The following NDUFAF1 variants were observed in gnomAD, a reference collection of about 807,000 sequenced individuals.
NDUFAF1 encodes the protein complex I intermediate-associated protein 30, mitochondrial.
Under a neutral mutation model 28.7 loss-of-function variants are expected in NDUFAF1, and 18 were observed. The observed-to-expected ratio is 0.63, with a 90% CI of 0.43 to 0.93. The LOEUF is 0.93. Ranked by LOEUF, NDUFAF1 falls within the 40% of genes least tolerant of loss-of-function variation. NDUFAF1 has a pLI of 0.00. For missense variants in NDUFAF1, 404 were observed against 398.3 expected (o/e 1.01, Z -0.12); for synonymous variants, 113 against 139.7 (o/e 0.81, Z 1.35).
At chr15:41,390,642 G>C (rs1391376872) in intron 3 of NDUFAF1, among the ~76,000 whole-genome samples, 1 of 151,446 alleles carries the variant, frequency 6.6e-6, no homozygotes. Flanking sequence ...GGAGAATGGC[G>C]TGAACCCGGG....
rs150717597 is a variant in NDUFAF1 at position 41,393,649 on chromosome 15, C to T, written c.759+1210G>A. On this transcript the variant is annotated intron_variant, in intron 3 of 4. Transcript: ENST00000260361. ...CAGGCTGGAGAGCAGTGGCCCATCT[C>T]GGCTCACTGCCACCTCTGCCTCCCA... is the stretch of plus-strand genomic sequence containing the variant. Among the ~76,000 whole-genome samples the T allele has an allele frequency of 1.4e-4, 20 of 146,944 alleles. 2 individuals are homozygous for T. Among genetic ancestry groups the T allele is most frequent in the African/African-American group, 5.1e-4 (20 of 39,026 alleles).
chr15:41,400,876 T>C (rs2050453406), intron 1 of NDUFAF1, among the ~76,000 whole-genome samples: 1 of 151,636 alleles, frequency 6.6e-6, no homozygotes, highest in African/African-American at 2.4e-5. Context: ...ATATATTATC[T>C]CATGCCATCC....
Position 41,391,607 on chromosome 15 carries a change from T to TAA in NDUFAF1, c.760-3087_760-3086dup, listed in dbSNP as rs534238039. Among the ~76,000 whole-genome samples the TAA allele has an allele frequency of 8.4e-3, 1,074 of 127,822 alleles. 11 individuals are homozygous for TAA. Among genetic ancestry groups the TAA allele is most frequent in the Non-Finnish European group, 0.011 (680 of 60,642 alleles). 83.9% of individuals were successfully genotyped at this position (127,822 alleles called of 152,430 possible). On this transcript the variant is annotated intron_variant, in intron 3 of 4. Transcript: ENST00000260361. The stretch of plus-strand genomic sequence containing the variant: ...GGGCAGTAAGAGTGAGACTCCATCT[T>TAA]AAAAAAAAAAAAAAAAAGAATTTAT...
intron 2 of NDUFAF1, among the ~76,000 whole-genome samples, chr15:41,396,083 G>A (rs1322743496): frequency 6.8e-6 from 1 of 147,634 alleles, no homozygotes; most frequent in Admixed American, 6.8e-5. Context: ...GCAAGACTCC[G>A]TTTCAAAAAA....
At chr15:41,391,498 G>A (rs998768401) in intron 3 of NDUFAF1, among the ~76,000 whole-genome samples, 2 of 151,252 alleles carry the variant, frequency 1.3e-5, no homozygotes, top group South Asian at 2.1e-4. Context: ...TGTGGTACAC[G>A]CCTGTAGTCC....
At chr15:41,389,654 T>A (rs2050294134) in intron 3 of NDUFAF1, among the ~76,000 whole-genome samples, 1 of 152,014 alleles carries the variant, frequency 6.6e-6, no homozygotes, top group South Asian at 2.1e-4. Context: ...ATCCTTGTAG[T>A]CCTGGCTATT....
intron 1 of NDUFAF1, among the ~76,000 whole-genome samples, chr15:41,398,101 C>A (rs1294288916): frequency 6.6e-6 from 1 of 150,708 alleles, no homozygotes; most frequent in Non-Finnish European, 1.5e-5. Context: ...GTTTTGAACT[C>A]CTAGGATCCA....
At chr15:41,398,729 CG>C (rs1405588070) in intron 1 of NDUFAF1, among the ~76,000 whole-genome samples, 1 of 151,800 alleles carries the variant, frequency 6.6e-6, no homozygotes, top group Non-Finnish European at 1.5e-5. Context: ...CCAAGGTGGA[CG>C]GATCACTTGA....
In NDUFAF1 at chr15:41,394,903, A is replaced by C. The variant is rs777280384; in HGVS notation, c.715T>G (p.Tyr239Asp). 1.2e-6 allele frequency: 2 copies of C among 1,614,142 alleles called. No individual in the cohort carries two copies. Among genetic ancestry groups the C allele is most frequent in the Admixed American group, 1.7e-5 (1 of 59,998 alleles). Residue 239 changes from tyrosine (Y) to aspartate (D), a missense_variant, in exon 3 of 5, where the codon TAC becomes GAC. Tyr to Asp is a radical substitution (Grantham distance 160). Coordinates refer to ENST00000260361, the MANE Select transcript of NDUFAF1 (RefSeq NM_016013.4). ...GGTCCCCCGCGGGTGAACATGAAGT[A>C]ACTATACATCTGATTCGTCCTCTGG... Reference protein sequence around the residue: ...FFQRTNQMYSYFMFTRGGPYW... With the variant: ...FFQRTNQMYSDFMFTRGGPYW...
intron 4 of NDUFAF1, 137 bp from the exon 5 acceptor site, chr15:41,387,730 C>G: frequency 2.9e-6 from 2 of 683,926 alleles, no homozygotes; most frequent in Non-Finnish European, 5.1e-6. Context: ...ACTACTAATT[C>G]TCCCATAGCA....
chr15:41,388,834 C>G (rs892102954), intron 3 of NDUFAF1, among the ~76,000 whole-genome samples: 7 of 150,052 alleles, frequency 4.7e-5, no homozygotes, highest in African/African-American at 1.7e-4. Context: ...TTGCAGTAAG[C>G]CAAGATCACA....
chr15:41,389,216 G>A lies in NDUFAF1; in HGVS notation c.760-694C>T, dbSNP rs1379141588. Among the ~76,000 whole-genome samples the A allele has an allele frequency of 5.3e-5, 8 of 150,652 alleles. No individual in the cohort carries two copies. In the South Asian group the frequency reaches 1.7e-3, roughly 32 times the overall value. On this transcript the variant is annotated intron_variant, in intron 3 of 4. Coordinates refer to ENST00000260361, the MANE Select transcript of NDUFAF1 (RefSeq NM_016013.4). ...TCCCACCTCAGCTTCCTGAGTAGCT[G>A]GGACTATAGGCGCACACCACCACAC...
chr15:41,392,281 C>T (rs753664929), intron 3 of NDUFAF1, among the ~76,000 whole-genome samples: 3 of 151,988 alleles, frequency 2.0e-5, no homozygotes, highest in Non-Finnish European at 4.4e-5. Context: ...ACCATGTAGA[C>T]CAGGCTGGTC....
intron 1 of NDUFAF1, among the ~76,000 whole-genome samples, chr15:41,398,653 T>A (rs28897479): frequency 2.6e-5 from 4 of 151,890 alleles, no homozygotes; most frequent in Non-Finnish European, 4.4e-5. Context: ...CATGCCCAGC[T>A]AATTTTTTTA....
chr15:41,392,386 G>A (rs1055957050), intron 3 of NDUFAF1, among the ~76,000 whole-genome samples: 3 of 151,932 alleles, frequency 2.0e-5, no homozygotes, highest in South Asian at 4.2e-4. Flanking sequence ...GACTTTATTC[G>A]AATTGTAATG....
chr15:41,395,084 C>T, intron 2 of NDUFAF1, 40 bp from the exon 3 acceptor site: 1 of 1,583,340 alleles, frequency 6.3e-7, no homozygotes, highest in South Asian at 1.1e-5. Flanking sequence ...CCTCATTCTC[C>T]ATTATTAGCA....
upstream of NDUFAF1, chr15:41,402,534 C>A (rs1481896947): frequency 6.3e-6 from 2 of 316,236 alleles, no homozygotes; most frequent in African/African-American, 2.2e-5. Flanking sequence ...CCAAACAAGG[C>A]GTCAGAACAC....
upstream of NDUFAF1, among the ~76,000 whole-genome samples, chr15:41,402,728 CTTTTTTTTTT>C (rs557825524): frequency 8.3e-6 from 1 of 120,914 alleles, no homozygotes; most frequent in Non-Finnish European, 1.7e-5. Context: ...ATCCCTGCGT[CTTTTTTTTTT>C]TTTTTTTTTT....
In NDUFAF1 at chr15:41,402,322, A is replaced by C. The variant is rs759857374; in HGVS notation, c.-260T>G. ...GCCTTGGCGTATACCTCCCGCACTC[A>C]CGGCCTGGCCTCCGGAGGCTAGACG... is the stretch of plus-strand genomic sequence containing the variant. On this transcript the variant is annotated 5_prime_UTR_variant, in exon 1 of 5. Coordinates refer to ENST00000260361, the MANE Select transcript of NDUFAF1 (RefSeq NM_016013.4). 2.2e-6 allele frequency: 1 copy of C among 454,066 alleles called. No homozygotes were observed. Among genetic ancestry groups the C allele is most frequent in the Non-Finnish European group, 4.4e-6 (1 of 226,778 alleles). 28.1% of individuals were successfully genotyped at this position (454,066 alleles called of 1,614,324 possible). A position where few individuals can be genotyped will look rare whatever the true frequency, so the allele number is the denominator to read the frequency against.
Sources: gnomAD v4.1 joint callset for allele counts (sites outside exome capture counted in the v4.1 genomes callset) on GRCh38, gnomAD v4.1.1 for gene constraint, MANE v1.5 for transcripts, NCBI Gene and HGNC (gene_info 2026-07-23, HGNC 2026-07-21) for gene names.